The following CAPN14 variants were observed in gnomAD, a reference collection of about 807,000 sequenced individuals.
CAPN14 encodes the protein calpain 14.
In CAPN14, 94 loss-of-function variants were observed where a neutral mutation model predicts 101.3. That is an observed-to-expected ratio of 0.93 (90% CI 0.79 to 1.10). The LOEUF is 1.10. Among genes scored for constraint, CAPN14 ranks in the 50% least tolerant of loss-of-function variants. The probability of loss-of-function intolerance (pLI) is 0.00; values close to 1 mark genes in which losing one functional copy is unlikely to be tolerated. For missense variants in CAPN14, 837 were observed against 828.4 expected (o/e 1.01, Z -0.13); for synonymous variants, 338 against 317.9 (o/e 1.06, Z -0.67).
rs1680339709 is a variant in CAPN14 at position 31,177,106 on chromosome 2, A to G, written c.1892T>C (p.Leu631Pro). 1 of 1,551,308 alleles carries G rather than the reference A, an allele frequency of 6.4e-7. No homozygotes were observed. The highest frequency in any genetic ancestry group is 8.7e-7 in the Non-Finnish European group (1 of 1,146,718). Reference sequence around the variant, plus strand: ...GAGGCGGGGGCCGCCGTAGCGGATGAGCATCAGCTGACAGACGTCATCACT... The same window carrying G: ...GAGGCGGGGGCCGCCGTAGCGGATGGGCATCAGCTGACAGACGTCATCACT... ...MLSDDVCQLM[L>P]IRYGGPRLQM... The change falls in exon 20 of 22, where the codon CTC (leucine) becomes CCC (proline). Residue 631 changes from leucine (L) to proline (P), a missense_variant. By Grantham distance (98) the Leu-to-Pro change is moderately conservative. Coordinates refer to ENST00000403897, the MANE Select transcript of CAPN14 (RefSeq NM_001145122.2).
chr2:31,220,378 G>A (rs1016445572), upstream of CAPN14, among the ~76,000 whole-genome samples: 1 of 152,214 alleles, frequency 6.6e-6, no homozygotes, highest in African/African-American at 2.4e-5. Flanking sequence ...AAATGCCTAT[G>A]GCTAAGCTCT....
intron 15 of CAPN14, 32 bp downstream of exon 15, chr2:31,187,726 T>C: frequency 6.5e-7 from 1 of 1,536,126 alleles, no homozygotes; most frequent in Non-Finnish European, 8.8e-7. Context: ...CCCCTGCTCT[T>C]CCTCACCCCC....
At chr2:31,211,258 G>GAGGGAGGAAGGA (rs1248594002) in intron 1 of CAPN14, among the ~76,000 whole-genome samples, 80 of 150,776 alleles carry the variant, frequency 5.3e-4, no homozygotes, top group African/African-American at 1.9e-3. Context: ...GAGAGGGAGG[G>GAGGGAGGAAGGA]AGGAAGGAAG....
In CAPN14 at chr2:31,212,141, C is replaced by G. The variant is rs148740598; in HGVS notation, c.-53+5315G>C. On this transcript the variant is annotated intron_variant, in intron 1 of 21. Coordinates refer to ENST00000403897, the MANE Select transcript of CAPN14 (RefSeq NM_001145122.2). The stretch of plus-strand genomic sequence containing the variant: ...CTTGGCCAACATGGCAAAACCCCAT[C>G]TCCACTAAAAATACAATAATTAGCT... 7.2e-4 allele frequency among the ~76,000 whole-genome samples: 109 copies of G among 152,194 alleles called. 1 individual carries two copies. Among genetic ancestry groups the G allele is most frequent in the Admixed American group, 1.6e-3 (25 of 15,284 alleles).
intron 16 of CAPN14, among the ~76,000 whole-genome samples, chr2:31,182,370 A>C (rs1680688838): frequency 6.7e-6 from 1 of 148,890 alleles, no homozygotes; most frequent in Non-Finnish European, 1.5e-5. Flanking sequence ...AAGGGTATTC[A>C]ATTGGGAAGA....
At chr2:31,178,801 C>T (rs145756421) in intron 17 of CAPN14, among the ~76,000 whole-genome samples, 3 of 152,034 alleles carry the variant, frequency 2.0e-5, no homozygotes, top group African/African-American at 7.2e-5. Context: ...CACAGCAGCA[C>T]TGGGAGAAGC....
upstream of CAPN14, among the ~76,000 whole-genome samples, chr2:31,220,582 T>C (rs1267097434): frequency 6.6e-6 from 1 of 152,154 alleles, no homozygotes; most frequent in South Asian, 2.1e-4. Context: ...CCCAACACTT[T>C]GGGAGGCCGA....
upstream of CAPN14, among the ~76,000 whole-genome samples, chr2:31,220,803 C>T (rs1338146964): frequency 6.6e-6 from 1 of 152,176 alleles, no homozygotes; most frequent in Non-Finnish European, 1.5e-5. Context: ...ACTGACAAGT[C>T]ATGCTATTCC....
intron 8 of CAPN14, among the ~76,000 whole-genome samples, chr2:31,196,170 C>T (rs147298901): frequency 2.0e-5 from 3 of 152,252 alleles, no homozygotes; most frequent in Admixed American, 6.5e-5. Flanking sequence ...GCAGATTAAA[C>T]ACTACAAAAT....
chr2:31,177,939 A>G (rs577577237), intron 18 of CAPN14, 118 bp from the exon 19 acceptor site: 19 of 717,686 alleles, frequency 2.6e-5, no homozygotes, highest in African/African-American at 2.6e-4. Flanking sequence ...GAGGCTCCAC[A>G]TGCAGGGCCT....
At chr2:31,212,303 G>A (rs58672755) in intron 1 of CAPN14, among the ~76,000 whole-genome samples, 5,739 of 129,782 alleles carry the variant, frequency 0.044, 253 homozygotes, top group African/African-American at 0.12. Context: ...GAATAAGACC[G>A]TCTCAAAACA....
upstream of CAPN14, among the ~76,000 whole-genome samples, chr2:31,217,892 C>T (rs974872075): frequency 2.6e-5 from 4 of 152,146 alleles, no homozygotes; most frequent in Admixed American, 2.0e-4. Flanking sequence ...CCTGTACATC[C>T]CTATGTTTAA....
At chr2:31,217,711 G>C (rs1390725844), upstream of CAPN14, among the ~76,000 whole-genome samples, 2 of 152,142 alleles carry the variant, frequency 1.3e-5, no homozygotes, top group Non-Finnish European at 2.9e-5. Flanking sequence ...TACAGAGAAA[G>C]CCTGTTTCAG....
intron 21 of CAPN14, among the ~76,000 whole-genome samples, chr2:31,175,579 C>T (rs929173074): frequency 1.3e-5 from 2 of 152,196 alleles, no homozygotes; most frequent in African/African-American, 4.8e-5. Flanking sequence ...GGATCAGGAG[C>T]GATGCCCCAG....
chr2:31,186,706 C>T (rs1403456310), intron 15 of CAPN14, among the ~76,000 whole-genome samples: 1 of 152,184 alleles, frequency 6.6e-6, no homozygotes. Flanking sequence ...GTTTAGCCAA[C>T]AATTTGGTTT....
At chr2:31,189,536 G>A in intron 12 of CAPN14, 58 bp from the exon 13 acceptor site, 2 of 1,376,662 alleles carry the variant, frequency 1.5e-6, no homozygotes, top group African/African-American at 1.4e-5. Flanking sequence ...CTGTGGCCAG[G>A]CCTGAGGCCC....
intron 19 of CAPN14, among the ~76,000 whole-genome samples, chr2:31,177,390 C>A (rs553199934): frequency 6.6e-6 from 1 of 152,314 alleles, no homozygotes; most frequent in South Asian, 2.1e-4. Context: ...ATGTTACCAG[C>A]CTTCAATGAA....
In CAPN14 at chr2:31,173,705, T is replaced by C. The variant is rs1401808268; in HGVS notation, c.*976A>G. ...TTTCAGATTTGGGATGCTCAACCTG[T>C]AGTAATAAATGGCTCTGAGGTGCTA... On this transcript the variant is annotated 3_prime_UTR_variant, in exon 22 of 22. Transcript: ENST00000403897. 6.6e-6 allele frequency: 1 copy of C among 152,136 alleles called. No homozygotes were observed. Among genetic ancestry groups the C allele is most frequent in the African/African-American group, 2.4e-5 (1 of 41,426 alleles). The allele number at this position is 152,136 out of a possible 1,614,324, so 9.4% of individuals were successfully genotyped here.
rs34521833 is a variant in CAPN14 at position 31,209,137 on chromosome 2, C to CTTTT, written c.-52-3642_-52-3639dup. ...GGCTCATGCCACCATGCGCAGCTAA[C>CTTTT]TTTTTTTTTTTTTTTTTTCTGGAGA... is the stretch of plus-strand genomic sequence containing the variant. On this transcript the variant is annotated intron_variant, in intron 1 of 21. Coordinates refer to ENST00000403897, the MANE Select transcript of CAPN14 (RefSeq NM_001145122.2). 1.3e-4 allele frequency among the ~76,000 whole-genome samples: 17 copies of CTTTT among 131,764 alleles called. 3 individuals carry two copies. The highest frequency in any genetic ancestry group is 2.1e-4 in the Non-Finnish European group (13 of 63,006). The allele number at this position is 131,764 out of a possible 152,430, so 86.4% of individuals were successfully genotyped here. A position where few individuals can be genotyped will look rare whatever the true frequency, so the allele number is the denominator to read the frequency against.
Sources: allele counts gnomAD v4.1 joint callset (sites outside exome capture counted in the v4.1 genomes callset), GRCh38; gene constraint gnomAD v4.1.1; transcripts MANE v1.5; gene names NCBI Gene and HGNC (gene_info 2026-07-23, HGNC 2026-07-21).